KLF3: variants seen among roughly 807,000 people sequenced by gnomAD.
KLF3 encodes the protein Krueppel-like factor 3.
A neutral mutation model predicts 32.7 loss-of-function variants in KLF3; 6 were observed. The observed-to-expected ratio is 0.18, with a 90% CI of 0.10 to 0.36. The LOEUF (loss-of-function observed/expected upper bound fraction) is 0.36. KLF3 is among the 10% of genes least tolerant of loss of function. The probability of loss-of-function intolerance (pLI) is 1.00; values close to 1 mark genes in which losing one functional copy is unlikely to be tolerated. For missense variants in KLF3, 338 were observed against 449.7 expected (o/e 0.75, Z 2.25); for synonymous variants, 145 against 172.8 (o/e 0.84, Z 1.26).
Position 38,700,088 on chromosome 4 carries a change from A to C in KLF3, c.*2825A>C, listed in dbSNP as rs1723157323. On this transcript the variant is annotated 3_prime_UTR_variant, in exon 6 of 6. Transcript: ENST00000261438. ...AGTGTCATCCTAGAGAAGTCAGAAG[A>C]ATCAGAATCCATCGTATTTTAGAGT... is the stretch of plus-strand genomic sequence containing the variant. 6.6e-6 allele frequency: 1 copy of C among 152,230 alleles called. No homozygotes were observed. The highest frequency in any genetic ancestry group is 1.5e-5 in the Non-Finnish European group (1 of 68,032). The allele number at this position is 152,230 out of a possible 1,614,324, so 9.4% of individuals were successfully genotyped here.
At chr4:38,696,385 A>C (rs571450223) in intron 5 of KLF3, among the ~76,000 whole-genome samples, 172 of 152,254 alleles carry the variant, frequency 1.1e-3, no homozygotes, top group African/African-American at 3.8e-3. Flanking sequence ...TAAGATTGCC[A>C]TAACAGCCTT....
intron 1 of KLF3, among the ~76,000 whole-genome samples, chr4:38,673,219 G>A (rs572250740): frequency 3.9e-5 from 6 of 152,146 alleles, no homozygotes; most frequent in Admixed American, 2.6e-4. Context: ...TGTTCAGGCC[G>A]GAATTTCCAG....
At chr4:38,687,706 G>A (rs1208548962) in intron 2 of KLF3, among the ~76,000 whole-genome samples, 1 of 152,198 alleles carries the variant, frequency 6.6e-6, no homozygotes, top group Non-Finnish European at 1.5e-5. Context: ...GTCATATCAC[G>A]TTAGCTGTTT....
Position 38,689,709 on chromosome 4 carries a change from T to G in KLF3, c.545-20T>G, listed in dbSNP as rs201118456. The G allele has an allele frequency of 1.8e-5, 28 of 1,556,654 alleles. No individual in the cohort carries two copies. The East Asian group carries it at 3.6e-4, about 20-fold the overall frequency. On this transcript the variant is annotated intron_variant, in intron 3 of 5. Transcript: ENST00000261438. ...TTGGTAAACTGTACGTGAAGTGACT[T>G]TTCTATTTTTATTTTTTAGTACCTG...
chr4:38,676,395 C>T (rs972395855), intron 1 of KLF3, among the ~76,000 whole-genome samples: 6 of 152,110 alleles, frequency 3.9e-5, no homozygotes, highest in Non-Finnish European at 7.3e-5. Context: ...GAGCCGAGAT[C>T]GTTCCACTGC....
rs1286210018 is a variant in KLF3, at chr4:38,700,620, T to C, written c.*3357T>C. On this transcript the variant is annotated 3_prime_UTR_variant, in exon 6 of 6. Coordinates refer to ENST00000261438, the MANE Select transcript of KLF3 (RefSeq NM_016531.6). ...TGTTTTACAAATACTAGCACTTTTTTTTCTGTTATGTACTTAGTGTTAGAG... is the reference window on the plus strand; with the variant it reads ...TGTTTTACAAATACTAGCACTTTTTCTTCTGTTATGTACTTAGTGTTAGAG... The C allele has an allele frequency of 6.6e-6, 1 of 152,224 alleles. No homozygotes were observed. The highest frequency in any genetic ancestry group is 2.4e-5 in the African/African-American group (1 of 41,462). The allele number at this position is 152,224 out of a possible 1,614,324, so 9.4% of individuals were successfully genotyped here.
chr4:38,684,551 T>A (rs1722634746), intron 2 of KLF3, among the ~76,000 whole-genome samples: 1 of 150,116 alleles, frequency 6.7e-6, no homozygotes, highest in African/African-American at 2.4e-5. Flanking sequence ...GTTTTTTTTT[T>A]TTTTTTTTTT....
chr4:38,673,781 G>A (rs777639896), intron 1 of KLF3, among the ~76,000 whole-genome samples: 19 of 152,072 alleles, frequency 1.2e-4, no homozygotes, highest in Non-Finnish European at 2.8e-4. Context: ...AAAATCAATT[G>A]CTTCACTTGG....
Position 38,694,775 on chromosome 4 carries a change from G to A in KLF3, c.725G>A (p.Gly242Glu). 1 of 1,593,094 alleles carries A rather than the reference G, an allele frequency of 6.3e-7. No homozygotes were observed. Among genetic ancestry groups the A allele is most frequent in the Non-Finnish European group, 8.5e-7 (1 of 1,173,536 alleles). The stretch of plus-strand genomic sequence containing the variant: ...CACCCTTCGGTCATCGTGCAGCCTG[G>A]GAAGAGACCTTTACCTGTGGAATCC... ...ENHPSVIVQPGKRPLPVESPD... is the reference protein window; with the variant it reads ...ENHPSVIVQPEKRPLPVESPD... Residue 242 changes from glycine (G) to glutamate (E), a missense_variant, in exon 5 of 6, where the codon GGG becomes GAG. Coordinates refer to ENST00000261438, the MANE Select transcript of KLF3 (RefSeq NM_016531.6).
chr4:38,686,679 G>A (rs1373385904), intron 2 of KLF3, among the ~76,000 whole-genome samples: 2 of 152,174 alleles, frequency 1.3e-5, no homozygotes, highest in African/African-American at 4.8e-5. Context: ...GCCCGTGACA[G>A]TGAGCATCTC....
intron 2 of KLF3, among the ~76,000 whole-genome samples, chr4:38,684,546 T>G (rs1722634402): frequency 1.3e-5 from 2 of 148,402 alleles, no homozygotes; most frequent in Admixed American, 6.7e-5. Context: ...TTTGTGTTTT[T>G]TTTTTTTTTT....
intron 4 of KLF3, among the ~76,000 whole-genome samples, chr4:38,693,784 T>TA (rs1476147921): frequency 1.3e-5 from 2 of 152,202 alleles, no homozygotes; most frequent in African/African-American, 4.8e-5. Context: ...TATAATTACT[T>TA]ACATTAATCA....
chr4:38,688,763 C>T lies in KLF3; in HGVS notation c.236C>T (p.Pro79Leu). ...TCACCCCCTTCGGCTGGGAATTCGC[C>T]CTCCTCTCTGAAGTTCCCGTCCTCA... Reference protein sequence around the residue: ...RSSPPSAGNSPSSLKFPSSHR... With the variant: ...RSSPPSAGNSLSSLKFPSSHR... Residue 79 changes from proline to leucine, a missense_variant, in exon 3 of 6, where the codon CCC becomes CTC. Physicochemically the swap from Pro to Leu is moderately conservative, Grantham distance 98 (BLOSUM62 -3). Around this residue, in one of 2 missense-constraint regions of KLF3, gnomAD observed 272 missense variants for 313.4 expected, o/e 0.87. Transcript: ENST00000261438. This position sits in a 1 kb window ranked among gnomAD's most constrained non-coding sequence, Gnocchi z 4.9. 6.2e-7 allele frequency: 1 copy of T among 1,614,238 alleles called. No homozygotes were observed. Among genetic ancestry groups the T allele is most frequent in the Non-Finnish European group, 8.5e-7 (1 of 1,180,042 alleles).
Position 38,688,800 on chromosome 4 carries a change from C to T in KLF3, c.273C>T (p.Ala91=), listed in dbSNP as rs1486587049. The T allele has an allele frequency of 5.6e-6, 9 of 1,614,126 alleles. No homozygotes were observed. Among genetic ancestry groups the T allele is most frequent in the Non-Finnish European group, 7.6e-6 (9 of 1,180,058 alleles). Residue 91 remains alanine, a synonymous_variant, in exon 3 of 6, where the codon GCC becomes GCT. Transcript: ENST00000261438. This position sits in a 1 kb window ranked among gnomAD's most constrained non-coding sequence, Gnocchi z 4.9. Reference sequence around the variant, plus strand: ...AGTTCCCGTCCTCACACCGGAGAGCCTCGCCTGGGTTGAGCATGCCTTCTT... The same window carrying T: ...AGTTCCCGTCCTCACACCGGAGAGCTTCGCCTGGGTTGAGCATGCCTTCTT... ...SLKFPSSHRR[A]SPGLSMPSSS... is the part of the protein sequence containing the mutation.
At chr4:38,672,669 C>G (rs1722233305) in intron 1 of KLF3, among the ~76,000 whole-genome samples, 1 of 152,068 alleles carries the variant, frequency 6.6e-6, no homozygotes, top group Non-Finnish European at 1.5e-5. Flanking sequence ...GCATGGGTGC[C>G]TGAGCCCACT....
At position 38,697,164 on chromosome 4, in the gene KLF3, A is replaced by G; in HGVS notation, c.939A>G (p.Lys313=). ...ATGAACTAACAAGACATTTCCGAAA[A>G]CATACTGGAATCAAACCTTTCCAGT... ...RSDELTRHFR[K]HTGIKPFQCP... The change falls in exon 6 of 6, where the codon AAA becomes AAG. Residue 313 remains lysine (K), a synonymous_variant. Transcript: ENST00000261438. 1 of 1,614,122 alleles carries G rather than the reference A, an allele frequency of 6.2e-7. No individual in the cohort carries two copies. The highest frequency in any genetic ancestry group is 8.5e-7 in the Non-Finnish European group (1 of 1,180,006).
intron 1 of KLF3, among the ~76,000 whole-genome samples, chr4:38,665,704 A>G (rs77522242): frequency 0.016 from 2,429 of 152,334 alleles, 59 homozygotes; most frequent in African/African-American, 0.055. Context: ...ATGAAGTGGT[A>G]TTCTGACAAG....
At chr4:38,665,613 T>C (rs1209051907) in intron 1 of KLF3, among the ~76,000 whole-genome samples, 1 of 152,238 alleles carries the variant, frequency 6.6e-6, no homozygotes, top group Non-Finnish European at 1.5e-5. Flanking sequence ...TACTCAGAAT[T>C]TATGTTTCCA....
rs561771664 is a variant in KLF3 at position 38,678,799 on chromosome 4, A to G, written c.-39-1788A>G. Among the ~76,000 whole-genome samples, 177 of 152,202 alleles carry G rather than the reference A, an allele frequency of 1.2e-3. 1 individual carries two copies. The highest frequency in any genetic ancestry group is 4.0e-3 in the African/African-American group (165 of 41,516). The stretch of plus-strand genomic sequence containing the variant: ...CCTGCAGCTTCTTCAGCTGGAACTC[A>G]CTCTAGAACTTGTTCACTTTGCCAC... On this transcript the variant is annotated intron_variant, in intron 1 of 5. Transcript: ENST00000261438.
Sources: gnomAD v4.1 joint callset for allele counts (sites outside exome capture counted in the v4.1 genomes callset) on GRCh38, gnomAD v4.1.1 for gene constraint, gnomAD v4.1.1 regional missense constraint, Gnocchi (gnomAD v3.1) non-coding constraint, MANE v1.5 for transcripts, NCBI Gene and HGNC (gene_info 2026-07-23, HGNC 2026-07-21) for gene names.